TAOK1: variants seen among roughly 807,000 people sequenced by gnomAD.
The protein encoded by TAOK1 is serine/threonine-protein kinase TAO1.
A neutral mutation model predicts 138.3 loss-of-function variants in TAOK1; 21 were observed. The ratio of observed to expected loss-of-function variants is 0.15; its 90% CI spans 0.11 to 0.22. The LOEUF (loss-of-function observed/expected upper bound fraction) is 0.22. Among genes scored for constraint, TAOK1 ranks in the 10% least tolerant of loss-of-function variants. TAOK1 has a pLI of 1.00. For synonymous variants in TAOK1, 361 were observed against 398.4 expected, an observed-to-expected ratio of 0.91 and a Z score of 1.12; for missense variants, 651 against 1,227.7, an observed-to-expected ratio of 0.53 and a Z score of 7.02.
intron 8 of TAOK1, among the ~76,000 whole-genome samples, chr17:29,482,780 A>T (rs1204468564): frequency 1.3e-5 from 2 of 151,888 alleles, no homozygotes; most frequent in African/African-American, 4.8e-5. Flanking sequence ...ACTTCATTCA[A>T]CAGGGGCCAT....
intron 19 of TAOK1, among the ~76,000 whole-genome samples, chr17:29,537,506 A>AT (rs35498725): frequency 7.2e-4 from 89 of 123,340 alleles, no homozygotes; most frequent in Middle Eastern, 4.0e-3. Flanking sequence ...ATGACCACTG[A>AT]TTTTTTTTTT....
rs1016652891 is a variant in TAOK1, at chr17:29,535,431, G to A, written c.2544+1131G>A. Among the ~76,000 whole-genome samples, 4 of 152,246 alleles carry A rather than the reference G, an allele frequency of 2.6e-5. No individual in the cohort carries two copies. The South Asian group carries it at 8.3e-4, about 32-fold the overall frequency. The stretch of plus-strand genomic sequence containing the variant: ...CAGCTGATGTAGTCTTAGGTCCGTC[G>A]GTTATCGCATTTAATACTTACCTAA... On this transcript the variant is annotated intron_variant, in intron 19 of 19. Transcript: ENST00000261716.
At chr17:29,472,816 TCCGC>T (rs2030855301) in intron 3 of TAOK1, among the ~76,000 whole-genome samples, 1 of 152,076 alleles carries the variant, frequency 6.6e-6, no homozygotes, top group Non-Finnish European at 1.5e-5. Flanking sequence ...CCTCAGGTGA[TCCGC>T]CCGCCTCGGC....
chr17:29,394,644 G>C (rs1339755386), intron 1 of TAOK1, among the ~76,000 whole-genome samples: 1 of 152,054 alleles, frequency 6.6e-6, no homozygotes, highest in East Asian at 1.9e-4. Context: ...TTTTTCATTT[G>C]TATCTCTGTT....
rs760984531 is a variant in TAOK1 at position 29,495,544 on chromosome 17, C to G, written c.832-16C>G. The G allele has an allele frequency of 4.5e-6, 7 of 1,544,150 alleles. No homozygotes were observed. In the South Asian group the frequency reaches 9.1e-5, roughly 20 times the overall value. On this transcript the variant is annotated splice_polypyrimidine_tract_variant and intron_variant, in intron 10 of 19. Coordinates refer to ENST00000261716, the MANE Select transcript of TAOK1 (RefSeq NM_020791.4). ...ATTGAAAAAAAAATCAACCTTTTAC[C>G]TTCTACCCTATCTAGCACATATTTG...
chr17:29,402,261 G>A (rs1445320067), intron 1 of TAOK1, among the ~76,000 whole-genome samples: 2 of 152,270 alleles, frequency 1.3e-5, no homozygotes, highest in East Asian at 3.9e-4. Flanking sequence ...CTATGTGTGA[G>A]TGCAGTTTCT....
At chr17:29,495,948 G>A (rs1354512356) in intron 11 of TAOK1, among the ~76,000 whole-genome samples, 12 of 152,100 alleles carry the variant, frequency 7.9e-5, no homozygotes, top group Admixed American at 1.3e-4. Flanking sequence ...CTTTAATCAT[G>A]TTAGATTGCA....
At chr17:29,407,054 G>A (rs1197298332) in intron 1 of TAOK1, among the ~76,000 whole-genome samples, 3 of 151,976 alleles carry the variant, frequency 2.0e-5, no homozygotes, top group Non-Finnish European at 2.9e-5. Flanking sequence ...TTGCTCTTTT[G>A]CCCAGGCAGG....
At chr17:29,516,114 A>G (rs1045421303) in intron 15 of TAOK1, among the ~76,000 whole-genome samples, 1 of 150,872 alleles carries the variant, frequency 6.6e-6, no homozygotes, top group Non-Finnish European at 1.5e-5. Flanking sequence ...AGCCTGCACC[A>G]CCATGCCTGG....
intron 1 of TAOK1, among the ~76,000 whole-genome samples, chr17:29,448,889 G>A (rs1260584031): frequency 1.3e-5 from 2 of 152,168 alleles, no homozygotes; most frequent in Non-Finnish European, 2.9e-5. Flanking sequence ...GAAAGAGAGA[G>A]TTAAATAATT....
chr17:29,410,627 T>TG (rs1905117259), intron 1 of TAOK1, among the ~76,000 whole-genome samples: 3 of 150,336 alleles, frequency 2.0e-5, no homozygotes, highest in African/African-American at 7.3e-5. Flanking sequence ...TTGTTTTTTT[T>TG]TTTTTTGGTT....
intron 17 of TAOK1, among the ~76,000 whole-genome samples, chr17:29,528,064 T>G (rs1353331209): frequency 2.6e-5 from 4 of 152,106 alleles, no homozygotes; most frequent in African/African-American, 4.8e-5. Context: ...GTGTGTGTGT[T>G]TTTGAGACAG....
chr17:29,470,634 CATT>C (rs1384955217), intron 3 of TAOK1, among the ~76,000 whole-genome samples: 1 of 152,086 alleles, frequency 6.6e-6, no homozygotes, highest in Non-Finnish European at 1.5e-5. Flanking sequence ...TTTAATGAGT[CATT>C]AATGATAAAT....
rs552176450 is a variant in TAOK1, at chr17:29,435,179, C to T, written c.-94-16276C>T. 3.9e-5 allele frequency among the ~76,000 whole-genome samples: 6 copies of T among 152,266 alleles called. No homozygotes were observed. The East Asian group carries it at 7.7e-4, about 20-fold the overall frequency. On this transcript the variant is annotated intron_variant, in intron 1 of 19. Coordinates refer to ENST00000261716, the MANE Select transcript of TAOK1 (RefSeq NM_020791.4). ...TCCAGATTTTTACATTACCCATCCC[C>T]GTTGTTCTTTCTGAGATGCAGCTGG... is the stretch of plus-strand genomic sequence containing the variant.
At chr17:29,493,678 T>G (rs1478373993) in intron 10 of TAOK1, among the ~76,000 whole-genome samples, 1 of 152,140 alleles carries the variant, frequency 6.6e-6, no homozygotes, top group African/African-American at 2.4e-5. Context: ...CAGCCCTATT[T>G]GAAATGATAG....
chr17:29,501,221 TAAAAA>T (rs66503222), intron 12 of TAOK1, among the ~76,000 whole-genome samples: 92 of 120,612 alleles, frequency 7.6e-4, no homozygotes, highest in African/African-American at 1.3e-3. Context: ...CCCATCTGTT[TAAAAA>T]AAAAAAAAAA....
intron 1 of TAOK1, among the ~76,000 whole-genome samples, chr17:29,405,968 A>G (rs1171975151): frequency 2.0e-5 from 3 of 152,134 alleles, no homozygotes; most frequent in East Asian, 1.9e-4. Context: ...TATTTTGTAG[A>G]TACTGTGCCA....
intron 1 of TAOK1, among the ~76,000 whole-genome samples, chr17:29,430,959 G>A (rs1905808760): frequency 6.6e-6 from 1 of 152,160 alleles, no homozygotes; most frequent in Non-Finnish European, 1.5e-5. Flanking sequence ...GTCTCTAGGC[G>A]AGGGGAAATG....
rs560288642 is a variant in TAOK1 at position 29,420,960 on chromosome 17, C to T, written c.-95+29936C>T. 4.6e-5 allele frequency among the ~76,000 whole-genome samples: 7 copies of T among 151,838 alleles called. No individual in the cohort carries two copies. In the East Asian group the frequency reaches 5.8e-4, roughly 13 times the overall value. On this transcript the variant is annotated intron_variant, in intron 1 of 19. Coordinates refer to ENST00000261716, the MANE Select transcript of TAOK1 (RefSeq NM_020791.4). The stretch of plus-strand genomic sequence containing the variant: ...TGTTTTTCTTTTTGAGGCAGTGTCT[C>T]GCTCTGTCATCTAGGCTGGAGTGCA...
Sources: allele counts gnomAD v4.1 joint callset (sites outside exome capture counted in the v4.1 genomes callset), GRCh38; gene constraint gnomAD v4.1.1; transcripts MANE v1.5; gene names NCBI Gene and HGNC (gene_info 2026-07-23, HGNC 2026-07-21).